The following SLC10A7 variants were observed in gnomAD, a reference collection of about 807,000 sequenced individuals.
SLC10A7 encodes the protein sodium/bile acid cotransporter 7.
SLC10A7 carries 29 observed loss-of-function variants against 43.2 expected under a neutral mutation model. The ratio of observed to expected loss-of-function variants is 0.67; its 90% CI spans 0.50 to 0.92. The LOEUF is 0.92. Among genes scored for constraint, SLC10A7 ranks in the 40% least tolerant of loss-of-function variants. The pLI is 0.00. For synonymous variants in SLC10A7, 152 were observed against 144.8 expected (o/e 1.05, Z -0.35); for missense variants, 295 against 403.2 (o/e 0.73, Z 2.30).
At chr4:146,357,179 A>G (rs1735716907) in intron 5 of SLC10A7, among the ~76,000 whole-genome samples, 1 of 152,226 alleles carries the variant, frequency 6.6e-6, no homozygotes, top group Non-Finnish European at 1.5e-5. Context: ...ACATTTGCAC[A>G]TGTATATTTC....
chr4:146,445,931 G>A (rs1731031264), intron 4 of SLC10A7, among the ~76,000 whole-genome samples: 1 of 151,894 alleles, frequency 6.6e-6, no homozygotes, highest in African/African-American at 2.4e-5. Flanking sequence ...GCGCACGCGC[G>A]TGCACGGGAG....
chr4:146,282,002 C>G (rs1729586409), intron 10 of SLC10A7, among the ~76,000 whole-genome samples: 1 of 152,134 alleles, frequency 6.6e-6, no homozygotes, highest in African/African-American at 2.4e-5. Flanking sequence ...ATCTTTACAA[C>G]AGCCTTACAA....
intron 11 of SLC10A7, chr4:146,256,969 AT>A: frequency 7.1e-7 from 1 of 1,400,592 alleles, no homozygotes; most frequent in Non-Finnish European, 9.7e-7. Context: ...ACAGTGTACA[AT>A]TTAGTCTCCC....
intron 5 of SLC10A7, among the ~76,000 whole-genome samples, chr4:146,404,680 G>A (rs774588101): frequency 2.0e-5 from 3 of 151,966 alleles, no homozygotes; most frequent in Non-Finnish European, 2.9e-5. Flanking sequence ...ATGTTACTCA[G>A]GCTGGTCTTG....
At chr4:146,328,055 G>T (rs1008749111) in intron 5 of SLC10A7, among the ~76,000 whole-genome samples, 1 of 152,052 alleles carries the variant, frequency 6.6e-6, no homozygotes, top group Non-Finnish European at 1.5e-5. Flanking sequence ...TGCCACTGGC[G>T]CCTGTGCACA....
intron 5 of SLC10A7, among the ~76,000 whole-genome samples, chr4:146,352,570 C>G (rs1291123164): frequency 1.5e-4 from 22 of 150,678 alleles, no homozygotes; most frequent in Admixed American, 4.6e-4. Flanking sequence ...CACCCCAAAT[C>G]AACAGAATAT....
intron 4 of SLC10A7, 69 bp downstream of exon 4, chr4:146,503,780 A>G: frequency 6.9e-7 from 1 of 1,449,220 alleles, no homozygotes; most frequent in Non-Finnish European, 9.6e-7. Context: ...ATGTCCAAAA[A>G]TGTGATATAT....
intron 7 of SLC10A7, among the ~76,000 whole-genome samples, chr4:146,302,346 T>G (rs1362075833): frequency 3.3e-5 from 5 of 152,212 alleles, no homozygotes; most frequent in African/African-American, 1.2e-4. Flanking sequence ...CATTCATTCT[T>G]TCACTCACTC....
intron 5 of SLC10A7, among the ~76,000 whole-genome samples, chr4:146,343,189 A>C (rs1734386318): frequency 6.6e-6 from 1 of 152,050 alleles, no homozygotes; most frequent in South Asian, 2.1e-4. Context: ...CTTACAACAC[A>C]GTACTGTAAT....
At chr4:146,412,513 A>G (rs1728269541) in intron 5 of SLC10A7, among the ~76,000 whole-genome samples, 2 of 152,166 alleles carry the variant, frequency 1.3e-5, no homozygotes, top group African/African-American at 2.4e-5. Flanking sequence ...TAGCCTGCCT[A>G]CCATGACCTA....
intron 4 of SLC10A7, among the ~76,000 whole-genome samples, chr4:146,480,743 T>G (rs1478121937): frequency 6.6e-6 from 1 of 151,444 alleles, no homozygotes; most frequent in Non-Finnish European, 1.5e-5. Flanking sequence ...AAAGTTGGGG[T>G]TCCGTTCTAA....
intron 5 of SLC10A7, among the ~76,000 whole-genome samples, chr4:146,397,417 A>G (rs775781607): frequency 4.6e-5 from 7 of 152,196 alleles, no homozygotes; most frequent in Non-Finnish European, 8.8e-5. Flanking sequence ...CTGCTTTAGA[A>G]ACACATCCCC....
intron 5 of SLC10A7, among the ~76,000 whole-genome samples, chr4:146,370,690 T>C (rs544870746): frequency 9.2e-5 from 14 of 152,298 alleles, no homozygotes; most frequent in Admixed American, 6.5e-5. Flanking sequence ...GTACTTTTCA[T>C]AGAAGAAAAT....
At chr4:146,514,276 C>T (rs1041538505) in intron 2 of SLC10A7, 1 of 152,180 alleles carries the variant, frequency 6.6e-6, no homozygotes. Flanking sequence ...TTTCTCAGCC[C>T]CTAAGTCTCC....
intron 6 of SLC10A7, among the ~76,000 whole-genome samples, chr4:146,312,280 T>A (rs1357130211): frequency 6.6e-6 from 1 of 152,158 alleles, no homozygotes; most frequent in Non-Finnish European, 1.5e-5. Context: ...GCTACTGTTC[T>A]TTTCTTAGTT....
intron 7 of SLC10A7, among the ~76,000 whole-genome samples, chr4:146,303,622 C>A (rs1277534611): frequency 2.0e-5 from 3 of 152,038 alleles, no homozygotes; most frequent in African/African-American, 7.2e-5. Flanking sequence ...TCAGGTGATC[C>A]GCCCATCTCA....
At chr4:146,434,986 T>C (rs1033654107) in intron 5 of SLC10A7, among the ~76,000 whole-genome samples, 1 of 148,738 alleles carries the variant, frequency 6.7e-6, no homozygotes, top group Non-Finnish European at 1.5e-5. Flanking sequence ...CCAGGAATTT[T>C]AAGCAAATTG....
intron 5 of SLC10A7, among the ~76,000 whole-genome samples, chr4:146,389,456 C>A (rs1738258834): frequency 6.6e-6 from 1 of 152,116 alleles, no homozygotes; most frequent in Non-Finnish European, 1.5e-5. Context: ...TGCTGACAAC[C>A]AGATCTTGGA....
intron 4 of SLC10A7, among the ~76,000 whole-genome samples, chr4:146,472,982 C>T (rs187605924): frequency 9.9e-5 from 15 of 152,246 alleles, no homozygotes; most frequent in African/African-American, 2.4e-4. Flanking sequence ...ACTTGGTCAC[C>T]GGTTGTCTAA....
Sources: gnomAD v4.1 joint callset for allele counts (sites outside exome capture counted in the v4.1 genomes callset) on GRCh38, gnomAD v4.1.1 for gene constraint, MANE v1.5 for transcripts, NCBI Gene and HGNC (gene_info 2026-07-23, HGNC 2026-07-21) for gene names.